CACNA2D1: variants seen among roughly 807,000 people sequenced by gnomAD.
CACNA2D1 encodes the protein voltage-dependent calcium channel subunit alpha-2/delta-1.
Under a neutral mutation model 171.5 loss-of-function variants are expected in CACNA2D1, and 53 were observed. That is an observed-to-expected ratio of 0.31 (90% CI 0.25 to 0.39). The LOEUF (loss-of-function observed/expected upper bound fraction) is 0.39, where lower values mean the gene tolerates loss of function less well. Among genes scored for constraint, CACNA2D1 ranks in the 10% least tolerant of loss-of-function variants. The pLI is 1.00. For synonymous variants in CACNA2D1, 442 were observed against 443.1 expected (o/e 1.00, Z 0.03); for missense variants, 903 against 1,299.8 (o/e 0.69, Z 4.69).
intron 3 of CACNA2D1, among the ~76,000 whole-genome samples, chr7:82,255,117 G>A (rs1206241030): frequency 6.6e-6 from 1 of 152,010 alleles, no homozygotes; most frequent in Non-Finnish European, 1.5e-5. Context: ...AACCTGTTCT[G>A]ACCATTTGGA....
chr7:82,100,239 A>T (rs1171446576), intron 6 of CACNA2D1, among the ~76,000 whole-genome samples: 1 of 152,180 alleles, frequency 6.6e-6, no homozygotes, highest in Non-Finnish European at 1.5e-5. Context: ...TGTTAGTCTC[A>T]AAGGGGCTTT....
chr7:82,000,827 C>T (rs1284931492), intron 18 of CACNA2D1, among the ~76,000 whole-genome samples: 1 of 90,782 alleles, frequency 1.1e-5, no homozygotes, highest in African/African-American at 3.8e-5. Context: ...GGCAGGGTTT[C>T]ACTATGTTGG....
intron 3 of CACNA2D1, among the ~76,000 whole-genome samples, chr7:82,240,168 A>G (rs1378851993): frequency 1.3e-5 from 2 of 152,140 alleles, no homozygotes; most frequent in African/African-American, 4.8e-5. Flanking sequence ...TTTAAACCCC[A>G]TCCCTGGCAC....
intron 4 of CACNA2D1, among the ~76,000 whole-genome samples, chr7:82,152,230 C>T (rs967905295): frequency 6.6e-5 from 10 of 151,602 alleles, no homozygotes; most frequent in South Asian, 2.1e-4. Flanking sequence ...TAATATAATT[C>T]GCCTATTGTC....
At chr7:82,214,129 G>C (rs894646115) in intron 3 of CACNA2D1, among the ~76,000 whole-genome samples, 1 of 152,014 alleles carries the variant, frequency 6.6e-6, no homozygotes, top group African/African-American at 2.4e-5. Context: ...TACTCCCAAA[G>C]GCCCCACTCT....
chr7:82,318,636 T>C (rs10273592), intron 3 of CACNA2D1, among the ~76,000 whole-genome samples: 14,266 of 152,206 alleles, frequency 0.094, 2,086 homozygotes, highest in African/African-American at 0.31. Context: ...TTTACATAAA[T>C]TGTAACAATT....
chr7:82,233,777 C>T (rs1803231116), intron 3 of CACNA2D1, among the ~76,000 whole-genome samples: 1 of 152,034 alleles, frequency 6.6e-6, no homozygotes, highest in African/African-American at 2.4e-5. Flanking sequence ...AGGATTTATT[C>T]CTGCTTAGTT....
intron 3 of CACNA2D1, among the ~76,000 whole-genome samples, chr7:82,247,900 A>G (rs1320966331): frequency 1.3e-5 from 2 of 152,326 alleles, no homozygotes; most frequent in East Asian, 3.9e-4. Context: ...CTTCCTAACA[A>G]AAACTTTAAT....
intron 3 of CACNA2D1, among the ~76,000 whole-genome samples, chr7:82,302,846 T>C (rs1296690068): frequency 6.6e-6 from 1 of 152,190 alleles, no homozygotes; most frequent in African/African-American, 2.4e-5. Context: ...AATTGTCTAC[T>C]AAAGGGGAAT....
At chr7:82,074,236 T>C (rs947907819) in intron 7 of CACNA2D1, among the ~76,000 whole-genome samples, 21 of 152,118 alleles carry the variant, frequency 1.4e-4, no homozygotes, top group Non-Finnish European at 2.2e-4. Context: ...TATTACTTTT[T>C]TATTTTTTGA....
intron 3 of CACNA2D1, among the ~76,000 whole-genome samples, chr7:82,323,674 A>T (rs1563367592): frequency 6.6e-6 from 1 of 152,188 alleles, no homozygotes; most frequent in Non-Finnish European, 1.5e-5. Context: ...TGCCTGTGTG[A>T]GTTTTGCAAG....
chr7:82,151,193 A>T (rs943403646), intron 4 of CACNA2D1, among the ~76,000 whole-genome samples: 3 of 152,168 alleles, frequency 2.0e-5, no homozygotes, highest in African/African-American at 7.2e-5. Flanking sequence ...AGTAAAGGAG[A>T]GGCAAGGAAA....
intron 6 of CACNA2D1, among the ~76,000 whole-genome samples, chr7:82,086,270 A>G (rs994692510): frequency 6.6e-6 from 1 of 152,224 alleles, no homozygotes; most frequent in Non-Finnish European, 1.5e-5. Context: ...TTATATTTTA[A>G]AGTTGTATCA....
intron 6 of CACNA2D1, among the ~76,000 whole-genome samples, chr7:82,099,196 T>G (rs1812313614): frequency 6.6e-6 from 1 of 152,146 alleles, no homozygotes; most frequent in Non-Finnish European, 1.5e-5. Flanking sequence ...TCCAAATATA[T>G]CTGTAGCAAA....
chr7:82,307,744 CT>C (rs1477780926), intron 3 of CACNA2D1, among the ~76,000 whole-genome samples: 2 of 151,942 alleles, frequency 1.3e-5, no homozygotes, highest in African/African-American at 4.8e-5. Context: ...TTTGAGATAC[CT>C]CTTGCATCCT....
intron 3 of CACNA2D1, among the ~76,000 whole-genome samples, chr7:82,266,353 C>T (rs1356061518): frequency 6.6e-6 from 1 of 152,146 alleles, no homozygotes; most frequent in Non-Finnish European, 1.5e-5. Flanking sequence ...ATATGCTTCT[C>T]TAAGTACTAG....
At chr7:82,196,161 A>C (rs1023776040) in intron 3 of CACNA2D1, among the ~76,000 whole-genome samples, 13 of 152,062 alleles carry the variant, frequency 8.5e-5, no homozygotes, top group Non-Finnish European at 1.8e-4. Flanking sequence ...GTAGAAGATT[A>C]GCTAAGGTTA....
intron 3 of CACNA2D1, among the ~76,000 whole-genome samples, chr7:82,285,716 G>T (rs1810677197): frequency 1.3e-5 from 2 of 152,060 alleles, no homozygotes; most frequent in African/African-American, 2.4e-5. Flanking sequence ...TGGTAAACTG[G>T]AACATATGGT....
At chr7:82,413,421 G>A (rs954327345) in intron 1 of CACNA2D1, among the ~76,000 whole-genome samples, 3 of 152,192 alleles carry the variant, frequency 2.0e-5, no homozygotes, top group African/African-American at 7.2e-5. Context: ...CTGCCTGGCT[G>A]CAGAGCTTCA....
Sources: gnomAD v4.1 joint callset for allele counts (sites outside exome capture counted in the v4.1 genomes callset) on GRCh38, gnomAD v4.1.1 for gene constraint, MANE v1.5 for transcripts, NCBI Gene and HGNC (gene_info 2026-07-23, HGNC 2026-07-21) for gene names.